PCDH9: variants seen among roughly 807,000 people sequenced by gnomAD.
The protein encoded by PCDH9 is protocadherin-9.
In PCDH9, 24 loss-of-function variants were observed where a neutral mutation model predicts 70.6. That is an observed-to-expected ratio of 0.34 (90% CI 0.25 to 0.48). The LOEUF (loss-of-function observed/expected upper bound fraction) is 0.48, where lower values mean the gene tolerates loss of function less well. Ranked by LOEUF, PCDH9 falls within the 20% of genes least tolerant of loss-of-function variation. The pLI is 0.99. For synonymous variants in PCDH9, 562 were observed against 558.5 expected, an observed-to-expected ratio of 1.01 and a Z score of -0.09; for missense variants, 1,281 against 1,503.6, an observed-to-expected ratio of 0.85 and a Z score of 2.45.
chr13:67,099,335 T>C (rs952437317), intron 2 of PCDH9, among the ~76,000 whole-genome samples: 1 of 152,220 alleles, frequency 6.6e-6, no homozygotes, highest in Non-Finnish European at 1.5e-5. Flanking sequence ...GCTTGCATAA[T>C]ACCAAGAATT....
chr13:66,883,402 T>A (rs914264162), intron 3 of PCDH9, among the ~76,000 whole-genome samples: 1 of 152,314 alleles, frequency 6.6e-6, no homozygotes, highest in South Asian at 2.1e-4. Flanking sequence ...TTTGAAAGAA[T>A]GTGTCCCATT....
chr13:66,361,784 A>G (rs549145444), intron 4 of PCDH9, among the ~76,000 whole-genome samples: 2 of 152,328 alleles, frequency 1.3e-5, no homozygotes, highest in African/African-American at 4.8e-5. Context: ...TATATGTTAT[A>G]TAACAAGCTT....
intron 4 of PCDH9, among the ~76,000 whole-genome samples, chr13:66,493,040 C>T (rs1446899952): frequency 6.6e-6 from 1 of 152,034 alleles, no homozygotes; most frequent in Non-Finnish European, 1.5e-5. Context: ...GACTAGAATA[C>T]TACAGAATAA....
intron 4 of PCDH9, among the ~76,000 whole-genome samples, chr13:66,561,598 G>A (rs1037859138): frequency 2.0e-5 from 3 of 152,172 alleles, no homozygotes; most frequent in Non-Finnish European, 4.4e-5. Flanking sequence ...TCAGCACCCT[G>A]TGTCTAGGTC....
At chr13:66,948,668 T>TA (rs998913027) in intron 2 of PCDH9, among the ~76,000 whole-genome samples, 1 of 151,940 alleles carries the variant, frequency 6.6e-6, no homozygotes, top group African/African-American at 2.4e-5. Context: ...GAATTTCATA[T>TA]AAAAAAACAA....
Position 67,179,834 on chromosome 13 carries a change from A to G in PCDH9, c.3036+45571T>C, listed in dbSNP as rs571525689. Among the ~76,000 whole-genome samples, 317 of 152,220 alleles carry G rather than the reference A, an allele frequency of 2.1e-3. 2 individuals are homozygous for G. Among genetic ancestry groups the G allele is most frequent in the Non-Finnish European group, 3.5e-3 (240 of 67,962 alleles). On this transcript the variant is annotated intron_variant, in intron 2 of 4. Transcript: ENST00000377865. ...TCATTACTTCTCTTGGGAATTTCAT[A>G]TTTAAAACTATTTCAAAGTCAAGGT...
intron 2 of PCDH9, among the ~76,000 whole-genome samples, chr13:66,922,841 C>T (rs1032277446): frequency 5.3e-5 from 8 of 151,314 alleles, no homozygotes; most frequent in Non-Finnish European, 1.2e-4. Context: ...AATGATAATG[C>T]TATCAAGTTT....
chr13:67,133,882 G>A (rs953006921), intron 2 of PCDH9, among the ~76,000 whole-genome samples: 2 of 151,970 alleles, frequency 1.3e-5, no homozygotes, highest in East Asian at 1.9e-4. Flanking sequence ...AGAAATCCAC[G>A]GTGAGGCTGA....
At chr13:67,156,299 G>C (rs2087811331) in intron 2 of PCDH9, among the ~76,000 whole-genome samples, 1 of 152,098 alleles carries the variant, frequency 6.6e-6, no homozygotes, top group Non-Finnish European at 1.5e-5. Context: ...GAAGAAGATA[G>C]AGGCAGGGGG....
chr13:66,720,759 G>A (rs2078932086), intron 3 of PCDH9, among the ~76,000 whole-genome samples: 1 of 152,062 alleles, frequency 6.6e-6, no homozygotes, highest in African/African-American at 2.4e-5. Context: ...AAAGCAGTAA[G>A]TAAAATTAGG....
At chr13:66,881,455 G>T (rs2139538377) in intron 3 of PCDH9, among the ~76,000 whole-genome samples, 1 of 152,180 alleles carries the variant, frequency 6.6e-6, no homozygotes, top group African/African-American at 2.4e-5. Flanking sequence ...ATTATCAAGA[G>T]AACAGCACAG....
chr13:67,140,126 G>A (rs150268737), intron 2 of PCDH9, among the ~76,000 whole-genome samples: 2,895 of 145,026 alleles, frequency 0.02, 57 homozygotes, highest in Non-Finnish European at 0.028. Context: ...TAGCATCAGC[G>A]GCTACTTATT....
intron 4 of PCDH9, among the ~76,000 whole-genome samples, chr13:66,619,924 A>G (rs1023340726): frequency 4.6e-5 from 7 of 152,114 alleles, no homozygotes; most frequent in African/African-American, 1.2e-4. Context: ...TTAGAATTTT[A>G]TTCACTTTCT....
chr13:67,094,851 G>A (rs879588183), intron 2 of PCDH9, among the ~76,000 whole-genome samples: 1 of 151,958 alleles, frequency 6.6e-6, no homozygotes, highest in African/African-American at 2.4e-5. Context: ...AATGAAAAGG[G>A]GTTTGTTCCT....
chr13:66,324,098 T>C (rs1955800148), intron 4 of PCDH9, among the ~76,000 whole-genome samples: 1 of 152,012 alleles, frequency 6.6e-6, no homozygotes, highest in South Asian at 2.1e-4. Flanking sequence ...TTACTTTTTC[T>C]AAAGGAAGAC....
rs529717131 is a variant in PCDH9 at position 66,896,019 on chromosome 13, G to A, written c.3138+7485C>T. 4.6e-5 allele frequency among the ~76,000 whole-genome samples: 7 copies of A among 152,300 alleles called. No homozygotes were observed. In the South Asian group the frequency reaches 6.2e-4, roughly 14 times the overall value. On this transcript the variant is annotated intron_variant, in intron 3 of 4. Transcript: ENST00000377865. ...TTAGCAGGAGCTGGGCCACAGCAAG[G>A]TTTGGTGCTGTCCATCAAGCCTGCG...
chr13:67,033,676 C>A (rs2084952388), intron 2 of PCDH9, among the ~76,000 whole-genome samples: 2 of 152,102 alleles, frequency 1.3e-5, no homozygotes, highest in South Asian at 2.1e-4. Context: ...ATACTCGTAC[C>A]ACTGAGCCAC....
At chr13:66,969,316 A>G (rs9317632) in intron 2 of PCDH9, among the ~76,000 whole-genome samples, 25,878 of 151,896 alleles carry the variant, frequency 0.17, 2,417 homozygotes, top group Non-Finnish European at 0.2. Context: ...TCAGAGCCTC[A>G]AAAAGTGAAT....
chr13:66,917,544 A>G (rs2082575917), intron 2 of PCDH9, among the ~76,000 whole-genome samples: 1 of 151,452 alleles, frequency 6.6e-6, no homozygotes, highest in African/African-American at 2.4e-5. Context: ...AAATGTGTTG[A>G]CATGCTATTT....
Sources: allele counts gnomAD v4.1 joint callset (sites outside exome capture counted in the v4.1 genomes callset), GRCh38; gene constraint gnomAD v4.1.1; transcripts MANE v1.5; gene names NCBI Gene and HGNC (gene_info 2026-07-23, HGNC 2026-07-21).